FBXO28: variants seen among roughly 807,000 people sequenced by gnomAD.
FBXO28 encodes the protein F-box only protein 28.
Under a neutral mutation model 38.1 loss-of-function variants are expected in FBXO28, and 8 were observed. That is an observed-to-expected ratio of 0.21 (90% CI 0.12 to 0.38). FBXO28 has a LOEUF of 0.38. FBXO28 is among the 10% of genes least tolerant of loss of function. The probability of loss-of-function intolerance (pLI) is 1.00; values close to 1 mark genes in which losing one functional copy is unlikely to be tolerated. For synonymous variants in FBXO28, 168 were observed against 173.8 expected (o/e 0.97, Z 0.26); for missense variants, 345 against 460.6 (o/e 0.75, Z 2.30).
At chr1:224,148,566 G>A (rs1657566609) in intron 3 of FBXO28, among the ~76,000 whole-genome samples, 2 of 151,996 alleles carry the variant, frequency 1.3e-5, no homozygotes, top group African/African-American at 2.4e-5. Context: ...GGAGGCTGAG[G>A]CAGGAGAATG....
intron 3 of FBXO28, among the ~76,000 whole-genome samples, chr1:224,148,755 A>G (rs945393411): frequency 1.3e-5 from 2 of 152,132 alleles, no homozygotes; most frequent in Admixed American, 1.3e-4. Flanking sequence ...TTGAATTGCT[A>G]TCCTATCACC....
chr1:224,122,428 C>T (rs977093769), intron 1 of FBXO28, among the ~76,000 whole-genome samples: 1 of 152,100 alleles, frequency 6.6e-6, no homozygotes, highest in African/African-American at 2.4e-5. Context: ...ATCACAATAT[C>T]CTCATTTCCA....
Position 224,130,051 on chromosome 1 carries a change from C to T in FBXO28, c.268-421C>T, listed in dbSNP as rs571625454. ...ACCCACAGATACTGAATCAGAGTTA[C>T]ATACAGCAGGCCAGCTGTGGTGGCT... is the stretch of plus-strand genomic sequence containing the variant. On this transcript the variant is annotated intron_variant, in intron 1 of 4. Transcript: ENST00000366862. Among the ~76,000 whole-genome samples the T allele has an allele frequency of 2.0e-5, 3 of 151,450 alleles. No homozygotes were observed. In the South Asian group the frequency reaches 6.3e-4, roughly 32 times the overall value.
intron 2 of FBXO28, among the ~76,000 whole-genome samples, chr1:224,132,271 T>A (rs1657066740): frequency 6.6e-6 from 1 of 151,824 alleles, no homozygotes; most frequent in African/African-American, 2.4e-5. Flanking sequence ...GGACAAAGGA[T>A]TTGAATAGAC....
chr1:224,124,818 C>T (rs1027212179), intron 1 of FBXO28, among the ~76,000 whole-genome samples: 1 of 152,134 alleles, frequency 6.6e-6, no homozygotes, highest in Admixed American at 6.5e-5. Context: ...CAACCTTCAC[C>T]TCAGGTTCAA....
Position 224,133,603 on chromosome 1 carries a change from C to T in FBXO28, c.378-471C>T, listed in dbSNP as rs368530524. Among the ~76,000 whole-genome samples, 185 of 152,094 alleles carry T rather than the reference C, an allele frequency of 1.2e-3. 4 individuals carry two copies. The South Asian group carries it at 0.034, about 28-fold the overall frequency. ...TGCAGTCTTGGTTCACTGCAACCTC[C>T]GACGCCCGGGTTCAAGCGAGTCTCC... On this transcript the variant is annotated intron_variant, in intron 2 of 4. Transcript: ENST00000366862.
chr1:224,135,951 C>T (rs1251593753), intron 3 of FBXO28, among the ~76,000 whole-genome samples: 2 of 151,996 alleles, frequency 1.3e-5, no homozygotes, highest in African/African-American at 4.8e-5. Flanking sequence ...AGGAGAGTCA[C>T]TTGAACCAGG....
chr1:224,116,087 T>A (rs1402040322), intron 1 of FBXO28, among the ~76,000 whole-genome samples: 1 of 152,172 alleles, frequency 6.6e-6, no homozygotes, highest in Non-Finnish European at 1.5e-5. Flanking sequence ...ACTCAGATTT[T>A]TCATAAGGAG....
chr1:224,133,963 C>A, intron 2 of FBXO28, 111 bp from the exon 3 acceptor site: 1 of 737,562 alleles, frequency 1.4e-6, no homozygotes, highest in Non-Finnish European at 2.0e-6. Context: ...CTGTAGATTT[C>A]TAAATTAACA....
At position 224,159,002 on chromosome 1, in the gene FBXO28, C is replaced by T. The variant is rs998200836; in HGVS notation, c.*1256C>T. On this transcript the variant is annotated 3_prime_UTR_variant, in exon 5 of 5. Coordinates refer to ENST00000366862, the MANE Select transcript of FBXO28 (RefSeq NM_015176.4). Reference sequence around the variant, plus strand: ...AAAAGCATGTCTTGCACTGTTCAACCTCCTGAGTGGTCGCTTTAACAACCT... The same window carrying T: ...AAAAGCATGTCTTGCACTGTTCAACTTCCTGAGTGGTCGCTTTAACAACCT... 1 of 152,570 alleles carries T rather than the reference C, an allele frequency of 6.6e-6. No homozygotes were observed. Among genetic ancestry groups the T allele is most frequent in the African/African-American group, 2.4e-5 (1 of 41,426 alleles). 9.5% of individuals were successfully genotyped at this position (152,570 alleles called of 1,614,324 possible). A position where few individuals can be genotyped will look rare whatever the true frequency, so the allele number is the denominator to read the frequency against.
At chr1:224,115,263 A>G (rs562128529) in intron 1 of FBXO28, among the ~76,000 whole-genome samples, 1 of 152,330 alleles carries the variant, frequency 6.6e-6, no homozygotes, top group Non-Finnish European at 1.5e-5. Context: ...TAGTTCAGTT[A>G]GATATTTTGC....
At chr1:224,137,384 G>C (rs905323087) in intron 3 of FBXO28, among the ~76,000 whole-genome samples, 2 of 151,550 alleles carry the variant, frequency 1.3e-5, no homozygotes, top group Non-Finnish European at 2.9e-5. Context: ...TTAGCTGGGC[G>C]TGGTGGTGTG....
At chr1:224,134,025 C>T (rs1239202135) in intron 2 of FBXO28, 49 bp from the exon 3 acceptor site, 1 of 1,376,820 alleles carries the variant, frequency 7.3e-7, no homozygotes, top group Admixed American at 3.2e-5. Flanking sequence ...TTTTAGTCCA[C>T]AATACTGCTT....
At chr1:224,136,101 G>GTTTTTTT (rs397982996) in intron 3 of FBXO28, among the ~76,000 whole-genome samples, 39,507 of 74,962 alleles carry the variant, frequency 0.53, 15,453 homozygotes, top group South Asian at 0.59. Context: ...GTTGACTTCA[G>GTTTTTTT]TTTTTTTTTT....
chr1:224,133,345 A>G (rs564818619), intron 2 of FBXO28, among the ~76,000 whole-genome samples: 92 of 152,272 alleles, frequency 6.0e-4, no homozygotes, highest in Admixed American at 1.1e-3. Context: ...GTCCTCTTTA[A>G]GATAATTTTA....
intron 3 of FBXO28, among the ~76,000 whole-genome samples, chr1:224,143,483 A>G (rs188694024): frequency 1.5e-3 from 229 of 152,222 alleles, no homozygotes; most frequent in Middle Eastern, 0.01. Flanking sequence ...AGCTGCTAGG[A>G]TGGGCTCCAG....
At position 224,161,410 on chromosome 1, in the gene FBXO28, G is replaced by T. The variant is rs1487621166; in HGVS notation, c.*3664G>T. 1 of 152,148 alleles carries T rather than the reference G, an allele frequency of 6.6e-6. No homozygotes were observed. The highest frequency in any genetic ancestry group is 2.4e-5 in the African/African-American group (1 of 41,436). 9.4% of individuals were successfully genotyped at this position (152,148 alleles called of 1,614,324 possible). A position where few individuals can be genotyped will look rare whatever the true frequency, so the allele number is the denominator to read the frequency against. ...CAGTCTGAAAGAAAACGTCCTATAC[G>T]ATGCAGTTGTTTGGAAATGGCTGAT... On this transcript the variant is annotated 3_prime_UTR_variant, in exon 5 of 5. Coordinates refer to ENST00000366862, the MANE Select transcript of FBXO28 (RefSeq NM_015176.4).
chr1:224,141,501 T>C (rs142563313), intron 3 of FBXO28, among the ~76,000 whole-genome samples: 1,506 of 150,526 alleles, frequency 0.01, 32 homozygotes, highest in African/African-American at 0.034. Context: ...CAATCATGCG[T>C]CATTTAGCAA....
rs1657866348 is a variant in FBXO28 at position 224,159,929 on chromosome 1, G to A, written c.*2183G>A. On this transcript the variant is annotated 3_prime_UTR_variant, in exon 5 of 5. Coordinates refer to ENST00000366862, the MANE Select transcript of FBXO28 (RefSeq NM_015176.4). ...GGCTTTCATAATAAGTAGTCACACT[G>A]TTACAAGGTAAATTTTCTATTACAA... The A allele has an allele frequency of 1.3e-5, 2 of 152,166 alleles. No individual in the cohort carries two copies. The highest frequency in any genetic ancestry group is 4.1e-4 in the South Asian group (2 of 4,826). 9.4% of individuals were successfully genotyped at this position (152,166 alleles called of 1,614,324 possible). A position where few individuals can be genotyped will look rare whatever the true frequency, so the allele number is the denominator to read the frequency against.
Sources: gnomAD v4.1 joint callset for allele counts (sites outside exome capture counted in the v4.1 genomes callset) on GRCh38, gnomAD v4.1.1 for gene constraint, MANE v1.5 for transcripts, NCBI Gene and HGNC (gene_info 2026-07-23, HGNC 2026-07-21) for gene names.